Variants in SLIT2 observed in about 807,000 individuals in gnomAD.
The protein encoded by SLIT2 is slit guidance ligand 2.
SLIT2 carries 41 observed loss-of-function variants against 185.7 expected under a neutral mutation model. The observed-to-expected ratio is 0.22, with a 90% confidence interval of 0.17 to 0.29. The LOEUF is 0.29. Ranked by LOEUF, SLIT2 falls within the 10% of genes least tolerant of loss-of-function variation. The pLI, the probability that SLIT2 is intolerant of heterozygous loss-of-function variation, is 1.00. For missense variants in SLIT2, 1,571 were observed against 1,909.0 expected (o/e 0.82, Z 3.30); for synonymous variants, 693 against 680.2 (o/e 1.02, Z -0.29).
chr4:20,392,976 C>T (rs1026202497), intron 4 of SLIT2, among the ~76,000 whole-genome samples: 7 of 151,978 alleles, frequency 4.6e-5, no homozygotes, highest in Non-Finnish European at 7.4e-5. Flanking sequence ...TAAATACATA[C>T]ACCGTACTGT....
At chr4:20,508,008 C>G (rs996507107) in intron 9 of SLIT2, among the ~76,000 whole-genome samples, 5 of 151,960 alleles carry the variant, frequency 3.3e-5, no homozygotes, top group African/African-American at 4.8e-5. Context: ...AACTGTCAAT[C>G]AAAACATTCT....
intron 4 of SLIT2, among the ~76,000 whole-genome samples, chr4:20,463,515 A>ATATGTG (rs1553906568): frequency 8.9e-6 from 1 of 112,340 alleles, no homozygotes; most frequent in East Asian, 2.3e-4. Context: ...ATATCCATAT[A>ATATGTG]TGTGTGTGTG....
At chr4:20,455,212 C>G (rs150499102) in intron 4 of SLIT2, among the ~76,000 whole-genome samples, 3 of 152,176 alleles carry the variant, frequency 2.0e-5, no homozygotes, top group Non-Finnish European at 4.4e-5. Context: ...TGTTCAAATT[C>G]TAGCATGATC....
rs1007479669 is a variant in SLIT2, at chr4:20,416,450, C to T, written c.396-51302C>T. Among the ~76,000 whole-genome samples, 4 of 152,142 alleles carry T rather than the reference C, an allele frequency of 2.6e-5. No individual in the cohort carries two copies. The South Asian group carries it at 8.3e-4, about 32-fold the overall frequency. On this transcript the variant is annotated intron_variant, in intron 4 of 36. Transcript: ENST00000504154. Reference sequence around the variant, plus strand: ...TCCTTAAAGGTCCTATCACCAAATACATTTACGCTGGAGGTGAGAACTTCA... The same window carrying T: ...TCCTTAAAGGTCCTATCACCAAATATATTTACGCTGGAGGTGAGAACTTCA...
chr4:20,481,938 C>G (rs984980788), intron 6 of SLIT2, among the ~76,000 whole-genome samples: 7 of 151,954 alleles, frequency 4.6e-5, no homozygotes, highest in Non-Finnish European at 1.5e-5. Context: ...ACAGGAGAGG[C>G]CACCTTTGTT....
intron 4 of SLIT2, among the ~76,000 whole-genome samples, chr4:20,397,949 T>A (rs1362884218): frequency 1.3e-5 from 2 of 151,800 alleles, no homozygotes; most frequent in Non-Finnish European, 2.9e-5. Flanking sequence ...GGGATGTCAG[T>A]CATTTACTCA....
intron 4 of SLIT2, among the ~76,000 whole-genome samples, chr4:20,409,317 G>T (rs1727017736): frequency 6.6e-6 from 1 of 152,146 alleles, no homozygotes; most frequent in East Asian, 1.9e-4. Context: ...ATGAGAACAT[G>T]CACTATTTAG....
intron 4 of SLIT2, among the ~76,000 whole-genome samples, chr4:20,463,491 A>ATATATGTG (rs1491274435): frequency 1.9e-4 from 18 of 96,216 alleles, no homozygotes; most frequent in East Asian, 5.1e-4. Context: ...ATATATATAT[A>ATATATGTG]TGTGTGTGTG....
intron 5 of SLIT2, among the ~76,000 whole-genome samples, chr4:20,472,386 G>GATATATAGATATCTATATCTATATA (rs1560453735): frequency 3.9e-4 from 15 of 38,402 alleles, no homozygotes; most frequent in African/African-American, 1.0e-3. Context: ...CTATATATAT[G>GATATATAGATATCTATATCTATATA]TAGATATATA....
chr4:20,549,910 C>G (rs1723590110), intron 24 of SLIT2, among the ~76,000 whole-genome samples: 1 of 151,900 alleles, frequency 6.6e-6, no homozygotes, highest in Admixed American at 6.6e-5. Context: ...GAGTACTATA[C>G]AGTACTCTAA....
chr4:20,378,783 A>C (rs528015087), intron 4 of SLIT2, among the ~76,000 whole-genome samples: 1 of 152,168 alleles, frequency 6.6e-6, no homozygotes, highest in South Asian at 2.1e-4. Flanking sequence ...GATCACCTGC[A>C]TACATATATT....
intron 3 of SLIT2, among the ~76,000 whole-genome samples, chr4:20,265,580 G>T (rs1354419026): frequency 6.6e-6 from 1 of 151,680 alleles, no homozygotes; most frequent in Non-Finnish European, 1.5e-5. Context: ...GACATATAAA[G>T]ATCACTCATA....
intron 4 of SLIT2, among the ~76,000 whole-genome samples, chr4:20,319,101 T>C (rs1380751684): frequency 6.6e-6 from 1 of 152,188 alleles, no homozygotes; most frequent in Non-Finnish European, 1.5e-5. Context: ...TGTAATTATA[T>C]ACTTTAAAGG....
intron 4 of SLIT2, among the ~76,000 whole-genome samples, chr4:20,362,368 C>T (rs976675882): frequency 6.6e-6 from 1 of 152,030 alleles, no homozygotes; most frequent in Non-Finnish European, 1.5e-5. Flanking sequence ...AAGGATACCT[C>T]GGAAGAGGCA....
At chr4:20,265,184 G>A (rs1034141323) in intron 3 of SLIT2, among the ~76,000 whole-genome samples, 6 of 151,842 alleles carry the variant, frequency 4.0e-5, no homozygotes, top group African/African-American at 9.7e-5. Context: ...TAGAAGCTAG[G>A]CTACTTTTTC....
intron 4 of SLIT2, among the ~76,000 whole-genome samples, chr4:20,297,708 C>A (rs1463080640): frequency 6.6e-6 from 1 of 151,928 alleles, no homozygotes; most frequent in Non-Finnish European, 1.5e-5. Context: ...TTTTTGTGAG[C>A]AAAAATGATA....
At chr4:20,505,743 T>A (rs1719148789) in intron 9 of SLIT2, among the ~76,000 whole-genome samples, 1 of 151,978 alleles carries the variant, frequency 6.6e-6, no homozygotes, top group South Asian at 2.1e-4. Flanking sequence ...ATTCTAAGGG[T>A]CTTGTGTTTT....
intron 19 of SLIT2, 119 bp downstream of exon 19, chr4:20,539,703 AG>A (rs754276581): frequency 1.3e-5 from 8 of 624,746 alleles, no homozygotes; most frequent in Non-Finnish European, 2.0e-5. Context: ...GACTTAAAAA[AG>A]GACAAACTTG....
chr4:20,361,449 C>T lies in SLIT2; in HGVS notation c.395+92568C>T, dbSNP rs560083425. On this transcript the variant is annotated intron_variant, in intron 4 of 36. Transcript: ENST00000504154. ...TAAAATATTAGATTTCAGGATCTCT[C>T]TTTAGATTGTACACATCACTTCATG... is the stretch of plus-strand genomic sequence containing the variant. 3.3e-5 allele frequency among the ~76,000 whole-genome samples: 5 copies of T among 152,200 alleles called. No individual in the cohort carries two copies. The East Asian group carries it at 7.7e-4, about 24-fold the overall frequency.
Sources: allele counts gnomAD v4.1 joint callset (sites outside exome capture counted in the v4.1 genomes callset), GRCh38; gene constraint gnomAD v4.1.1; transcripts MANE v1.5; gene names NCBI Gene and HGNC (gene_info 2026-07-23, HGNC 2026-07-21).